PPP1R12B: variants seen among roughly 807,000 people sequenced by gnomAD.
PPP1R12B encodes the protein myosin phosphatase target subunit 2.
In PPP1R12B, 76 loss-of-function variants were observed where a neutral mutation model predicts 126.1. The ratio of observed to expected loss-of-function variants is 0.60; its 90% confidence interval spans 0.50 to 0.73. PPP1R12B has a LOEUF of 0.73. Among genes scored for constraint, PPP1R12B ranks in the 30% least tolerant of loss-of-function variants. The pLI is 0.00. For synonymous variants in PPP1R12B, 356 were observed against 434.7 expected (o/e 0.82, Z 2.25); for missense variants, 1,052 against 1,205.1 (o/e 0.87, Z 1.88).
At chr1:202,360,992 G>GC (rs1658092602) in intron 1 of PPP1R12B, among the ~76,000 whole-genome samples, 1 of 150,870 alleles carries the variant, frequency 6.6e-6, no homozygotes, top group South Asian at 2.1e-4. Flanking sequence ...CTGGGTTCAT[G>GC]CCATTCTCCT....
rs190120103 is a variant in PPP1R12B at position 202,541,371 on chromosome 1, A to C, written c.2491-17506A>C. Among the ~76,000 whole-genome samples, 584 of 152,248 alleles carry C rather than the reference A, an allele frequency of 3.8e-3. 3 individuals are homozygous for C. The highest frequency in any genetic ancestry group is 4.1e-3 in the Non-Finnish European group (280 of 68,010). ...AGAATACCAAAAGAATATTGTTACG[A>C]AGTTATTTTATTCACAAGTTTTTGT... On this transcript the variant is annotated intron_variant, in intron 18 of 23. Transcript: ENST00000608999.
intron 13 of PPP1R12B, chr1:202,462,929 C>A: frequency 1.0e-6 from 1 of 985,372 alleles, no homozygotes; most frequent in South Asian, 4.7e-5. Flanking sequence ...AGTTCCTTGC[C>A]ATTCCTGGTT....
rs1296365672 is a variant in PPP1R12B, at chr1:202,428,866, A to G, written c.858A>G (p.Pro286=). Reference sequence around the variant, plus strand: ...CTTTTCTCTGCCAGGGCCAGACACCATTTGATGTGGCTGATGAGGGTCTCG... The same window carrying G: ...CTTTTCTCTGCCAGGGCCAGACACCGTTTGATGTGGCTGATGAGGGTCTCG... ...MDIRNKLGQT[P]FDVADEGLVE... The change falls in exon 6 of 24, where the codon CCA becomes CCG. Residue 286 remains proline, a synonymous_variant. Transcript: ENST00000608999. 1 of 1,606,464 alleles carries G rather than the reference A, an allele frequency of 6.2e-7. No homozygotes were observed. The highest frequency in any genetic ancestry group is 8.5e-7 in the Non-Finnish European group (1 of 1,176,974).
intron 1 of PPP1R12B, 148 bp downstream of exon 1, chr1:202,349,290 C>A: frequency 2.2e-6 from 2 of 923,864 alleles, no homozygotes; most frequent in Non-Finnish European, 1.6e-6. Context: ...CATTCTTGGC[C>A]AGCTTCCTCC....
Position 202,588,845 on chromosome 1 carries a change from A to AGATAGAT in PPP1R12B, c.*8286_*8292dup, listed in dbSNP as rs1553332123. ...CCGTAAGATAGATAGATAGATAGATAGATAGATAGATAGATAGATAGATAG... is the reference window on the plus strand; with the variant it reads ...CCGTAAGATAGATAGATAGATAGATAGATAGATGATAGATAGATAGATAGATAGATAG... On this transcript the variant is annotated 3_prime_UTR_variant, in exon 24 of 24. Transcript: ENST00000608999. The AGATAGAT allele has an allele frequency of 2.1e-5, 3 of 144,292 alleles. No homozygotes were observed. Among genetic ancestry groups the AGATAGAT allele is most frequent in the Non-Finnish European group, 3.0e-5 (2 of 67,342 alleles). The allele number at this position is 144,292 out of a possible 1,614,324, so 8.9% of individuals were successfully genotyped here.
At chr1:202,371,354 A>AT (rs531915576) in intron 1 of PPP1R12B, among the ~76,000 whole-genome samples, 1 of 151,142 alleles carries the variant, frequency 6.6e-6, no homozygotes, top group South Asian at 2.1e-4. Context: ...TTGTCAGTGC[A>AT]TTTTTTTCCT....
intron 1 of PPP1R12B, among the ~76,000 whole-genome samples, chr1:202,359,912 G>T (rs1418617937): frequency 1.7e-5 from 2 of 114,366 alleles, no homozygotes; most frequent in African/African-American, 6.5e-5. Flanking sequence ...TTGTTCACAG[G>T]TGTGTGTGTG....
intron 23 of PPP1R12B, among the ~76,000 whole-genome samples, chr1:202,569,769 A>G (rs1455839221): frequency 6.6e-6 from 1 of 152,214 alleles, no homozygotes; most frequent in Non-Finnish European, 1.5e-5. Flanking sequence ...AGCTCATGCC[A>G]CCAGATACAC....
chr1:202,448,815 CAT>C (rs1269580413), intron 12 of PPP1R12B, among the ~76,000 whole-genome samples, 172 bp from the exon 13 acceptor site: 2 of 152,202 alleles, frequency 1.3e-5, no homozygotes, highest in African/African-American at 4.8e-5. Context: ...TCAGACTAAA[CAT>C]GTAATTATAC....
intron 18 of PPP1R12B, among the ~76,000 whole-genome samples, chr1:202,503,669 G>A (rs534985008): frequency 6.6e-6 from 1 of 152,312 alleles, no homozygotes; most frequent in East Asian, 1.9e-4. Flanking sequence ...AGGAAACTGA[G>A]CAATCCTGGT....
At chr1:202,500,005 CT>C (rs1680025301) in intron 18 of PPP1R12B, among the ~76,000 whole-genome samples, 1 of 152,170 alleles carries the variant, frequency 6.6e-6, no homozygotes, top group Non-Finnish European at 1.5e-5. Context: ...AAAAGAAACT[CT>C]TAATACGCTA....
intron 18 of PPP1R12B, among the ~76,000 whole-genome samples, chr1:202,501,430 G>A (rs1255179233): frequency 6.6e-6 from 1 of 152,068 alleles, no homozygotes; most frequent in Non-Finnish European, 1.5e-5. Context: ...GTTTGCTCTG[G>A]AGCTGTTTTC....
chr1:202,399,005 G>A (rs913842792), intron 1 of PPP1R12B, among the ~76,000 whole-genome samples: 42 of 151,776 alleles, frequency 2.8e-4, no homozygotes, highest in Admixed American at 5.2e-4. Context: ...TTTGTAAATT[G>A]AGGGAGATGA....
chr1:202,556,315 T>C (rs1437197073), intron 18 of PPP1R12B, among the ~76,000 whole-genome samples: 1 of 152,192 alleles, frequency 6.6e-6, no homozygotes, highest in Non-Finnish European at 1.5e-5. Flanking sequence ...CAAGGTCACA[T>C]TGCTAGATGT....
chr1:202,574,149 T>C (rs1171407108), intron 23 of PPP1R12B, among the ~76,000 whole-genome samples: 1 of 136,356 alleles, frequency 7.3e-6, no homozygotes, highest in African/African-American at 2.8e-5. Flanking sequence ...TTTAACCTTC[T>C]AAACAGTACA....
Position 202,449,093 on chromosome 1 carries a change from C to G in PPP1R12B, c.1772C>G (p.Thr591Ser), listed in dbSNP as rs1333174948. 3 of 1,613,780 alleles carry G rather than the reference C, an allele frequency of 1.9e-6. No individual in the cohort carries two copies. The African/African-American group carries it at 4.0e-5, about 22-fold the overall frequency. Reference protein sequence around the residue: ...CVITNRPLPSTANGVTATPVL... With the variant: ...CVITNRPLPSSANGVTATPVL... ...ATCACCAATCGCCCTCTTCCTAGCA[C>G]TGCCAATGGGGTTACAGCTACTCCT... The change falls in exon 13 of 24, where the codon ACT (threonine) becomes AGT (serine). Residue 591 changes from threonine (T) to serine (S), a missense_variant. Physicochemically the swap from Thr to Ser is moderately conservative, Grantham distance 58. Transcript: ENST00000608999.
At chr1:202,561,691 G>A (rs533173096) in intron 19 of PPP1R12B, among the ~76,000 whole-genome samples, 1 of 152,204 alleles carries the variant, frequency 6.6e-6, no homozygotes, top group East Asian at 1.9e-4. Flanking sequence ...TCAATAAAGA[G>A]ATTTCTATTA....
intron 1 of PPP1R12B, among the ~76,000 whole-genome samples, chr1:202,370,543 ATT>A (rs34492667): frequency 3.3e-5 from 5 of 149,382 alleles, no homozygotes; most frequent in Non-Finnish European, 3.0e-5. Flanking sequence ...AGAGTATATA[ATT>A]TTTTTTTTTT....
At chr1:202,407,571 T>G (rs1012119201) in intron 1 of PPP1R12B, among the ~76,000 whole-genome samples, 12 of 152,352 alleles carry the variant, frequency 7.9e-5, no homozygotes, top group Admixed American at 7.8e-4. Context: ...GTTATGAGTC[T>G]TTCACACAGG....
Sources: allele counts gnomAD v4.1 joint callset (sites outside exome capture counted in the v4.1 genomes callset), GRCh38; gene constraint gnomAD v4.1.1; transcripts MANE v1.5; gene names NCBI Gene and HGNC (gene_info 2026-07-23, HGNC 2026-07-21).